The following DST variants were observed in gnomAD, a reference collection of about 807,000 sequenced individuals.
The protein encoded by DST is dystonin.
In DST, 253 loss-of-function variants were observed where a neutral mutation model predicts 875.2. The ratio of observed to expected loss-of-function variants is 0.29; its 90% CI spans 0.26 to 0.32. The LOEUF (loss-of-function observed/expected upper bound fraction) is 0.32, where lower values mean the gene tolerates loss of function less well. Ranked by LOEUF, DST falls within the 10% of genes least tolerant of loss-of-function variation. The pLI, the probability that DST is intolerant of heterozygous loss-of-function variation, is 1.00. For synonymous variants in DST, 3,124 were observed against 3,197.1 expected (o/e 0.98, Z 0.77); for missense variants, 8,287 against 9,111.6 (o/e 0.91, Z 3.68).
intron 3 of DST, among the ~76,000 whole-genome samples, chr6:56,899,188 G>A (rs1327204536): frequency 6.6e-6 from 1 of 152,150 alleles, no homozygotes; most frequent in Non-Finnish European, 1.5e-5. Context: ...CTCAGTAACT[G>A]TTAGTTAACA....
chr6:56,479,694 C>T (rs999928686), intron 90 of DST, among the ~76,000 whole-genome samples: 5 of 152,232 alleles, frequency 3.3e-5, no homozygotes, highest in Middle Eastern at 3.4e-3. Flanking sequence ...AAATATCACA[C>T]GTTCTCATGT....
rs4712140 is a variant in DST at position 56,823,763 on chromosome 6, T to C, written c.625+27634A>G. ...CTTCAAACTTCATCTGCTTGGCAGT[T>C]TTTAAATTGCTGGGAGAAAATTAGT... On this transcript the variant is annotated intron_variant, in intron 4 of 103. Coordinates refer to ENST00000680361, the MANE Select transcript of DST (RefSeq NM_001374736.1). Among the ~76,000 whole-genome samples the C allele has an allele frequency of 1.8e-3, 270 of 152,224 alleles. 7 individuals carry two copies. In the East Asian group the frequency reaches 0.048, roughly 27 times the overall value.
At chr6:56,610,848 G>GTT (rs1409218626) in intron 38 of DST, among the ~76,000 whole-genome samples, 1 of 152,128 alleles carries the variant, frequency 6.6e-6, no homozygotes, top group African/African-American at 2.4e-5. Flanking sequence ...ATCTGACAGA[G>GTT]GGTAAGGTCT....
At chr6:56,728,278 TA>T (rs754085553) in intron 5 of DST, among the ~76,000 whole-genome samples, 23 of 152,352 alleles carry the variant, frequency 1.5e-4, no homozygotes, top group Non-Finnish European at 2.8e-4. Flanking sequence ...TGTCATGAAA[TA>T]ATTTTAGGTT....
chr6:56,499,200 C>A (rs2096031893), intron 80 of DST, among the ~76,000 whole-genome samples: 1 of 152,058 alleles, frequency 6.6e-6, no homozygotes, highest in African/African-American at 2.4e-5. Flanking sequence ...AACATTATCT[C>A]CCATCCTATG....
At chr6:56,525,282 C>A (rs1282523036) in intron 69 of DST, among the ~76,000 whole-genome samples, 2 of 152,098 alleles carry the variant, frequency 1.3e-5, no homozygotes, top group Admixed American at 1.3e-4. Context: ...CAAATAAACA[C>A]CCTCATTTTC....
chr6:56,601,738 CAAT>C (rs757070840), intron 43 of DST, 62 bp from the exon 44 acceptor site: 10 of 964,698 alleles, frequency 1.0e-5, no homozygotes, highest in Non-Finnish European at 1.5e-5. Flanking sequence ...TTTATATTAA[CAAT>C]AATATTTATG....
chr6:56,562,471 G>A (rs2097552349), intron 55 of DST, among the ~76,000 whole-genome samples: 1 of 151,514 alleles, frequency 6.6e-6, no homozygotes, highest in South Asian at 2.1e-4. Context: ...AAAAATTTTT[G>A]TGAAGTTGCT....
intron 3 of DST, among the ~76,000 whole-genome samples, chr6:56,893,638 T>C (rs1012475420): frequency 3.2e-5 from 2 of 63,018 alleles, no homozygotes; most frequent in African/African-American, 1.2e-4. Context: ...CTTGGGTGTT[T>C]CTCGCAGAGG....
chr6:56,526,245 T>A, intron 69 of DST, 116 bp downstream of exon 69: 1 of 1,142,088 alleles, frequency 8.8e-7, no homozygotes, highest in Non-Finnish European at 1.2e-6. Context: ...ACTCTTTCAT[T>A]TTGGAAGCAC....
chr6:56,664,497 T>A (rs548637968), intron 10 of DST, among the ~76,000 whole-genome samples: 58 of 152,314 alleles, frequency 3.8e-4, no homozygotes, highest in African/African-American at 1.2e-3. Context: ...TTCCTCTATA[T>A]CAACCCTAAC....
At chr6:56,499,319 G>A (rs1032281119) in intron 80 of DST, among the ~76,000 whole-genome samples, 5 of 152,088 alleles carry the variant, frequency 3.3e-5, no homozygotes, top group Non-Finnish European at 7.4e-5. Flanking sequence ...CATATTCTGA[G>A]GCATCTGGTT....
At chr6:56,582,518 T>C (rs1273155527) in intron 49 of DST, among the ~76,000 whole-genome samples, 1 of 152,138 alleles carries the variant, frequency 6.6e-6, no homozygotes, top group African/African-American at 2.4e-5. Flanking sequence ...GTGATGTCAG[T>C]GCCATGCTTG....
At chr6:56,563,494 G>A (rs1472976403) in intron 55 of DST, among the ~76,000 whole-genome samples, 1 of 152,098 alleles carries the variant, frequency 6.6e-6, no homozygotes, top group Admixed American at 6.5e-5. Context: ...CCATTTGTCA[G>A]GTGGATAGGT....
At chr6:56,857,072 C>T (rs1768261734) in intron 3 of DST, among the ~76,000 whole-genome samples, 1 of 151,252 alleles carries the variant, frequency 6.6e-6, no homozygotes, top group African/African-American at 2.4e-5. Context: ...AGTGCAGAGA[C>T]ATGATCATAG....
intron 4 of DST, among the ~76,000 whole-genome samples, chr6:56,831,116 T>C (rs2099786406): frequency 6.6e-6 from 1 of 152,210 alleles, no homozygotes; most frequent in Non-Finnish European, 1.5e-5. Flanking sequence ...GTGCTAAAAT[T>C]ATTATGATCA....
At chr6:56,896,905 T>A (rs1791606014) in intron 3 of DST, among the ~76,000 whole-genome samples, 1 of 152,262 alleles carries the variant, frequency 6.6e-6, no homozygotes, top group Non-Finnish European at 1.5e-5. Context: ...TCTCTCCCAC[T>A]TTGTGGGCTG....
intron 69 of DST, among the ~76,000 whole-genome samples, chr6:56,524,313 G>A (rs2096758377): frequency 6.6e-6 from 1 of 152,052 alleles, no homozygotes. Flanking sequence ...TCCTTTTAGT[G>A]TTGTATCCTC....
At position 56,605,544 on chromosome 6, in the gene DST, A is replaced by G; in HGVS notation, c.9084T>C (p.Asn3028=). The change falls in exon 40 of 104, where the codon AAT becomes AAC. Residue 3028 remains asparagine, a synonymous_variant. Coordinates refer to ENST00000680361, the MANE Select transcript of DST (RefSeq NM_001374736.1). Reference sequence around the variant, plus strand: ...CTCTCCCTTTAATGAGATCGCTTCCATTTCCTTGAGGATCTTTGTCAGTTA... The same window carrying G: ...CTCTCCCTTTAATGAGATCGCTTCCGTTTCCTTGAGGATCTTTGTCAGTTA... ...ASVTDKDPQG[N]GSDLIKGRDG... 6.2e-7 allele frequency: 1 copy of G among 1,613,062 alleles called. No homozygotes were observed. The highest frequency in any genetic ancestry group is 8.5e-7 in the Non-Finnish European group (1 of 1,179,376).
Sources: gnomAD v4.1 joint callset for allele counts (sites outside exome capture counted in the v4.1 genomes callset) on GRCh38, gnomAD v4.1.1 for gene constraint, MANE v1.5 for transcripts, NCBI Gene and HGNC (gene_info 2026-07-23, HGNC 2026-07-21) for gene names.